NRF1: variants seen among roughly 807,000 people sequenced by gnomAD.
The protein encoded by NRF1 is alpha palindromic-binding protein.
Under a neutral mutation model 58.5 loss-of-function variants are expected in NRF1, and 5 were observed. That is an observed-to-expected ratio of 0.09 (90% CI 0.04 to 0.18). The LOEUF (loss-of-function observed/expected upper bound fraction) is 0.18, where lower values mean the gene tolerates loss of function less well. NRF1 is among the 10% of genes least tolerant of loss of function. The probability of loss-of-function intolerance (pLI) is 1.00; values close to 1 mark genes in which losing one functional copy is unlikely to be tolerated. For missense variants in NRF1, 288 were observed against 657.7 expected (o/e 0.44, Z 6.15); for synonymous variants, 224 against 246.7 (o/e 0.91, Z 0.86).
intron 10 of NRF1, among the ~76,000 whole-genome samples, chr7:129,747,885 C>A (rs79546610): frequency 0.016 from 2,412 of 152,286 alleles, 58 homozygotes; most frequent in African/African-American, 0.055. Flanking sequence ...GGACTACCAT[C>A]AAGTTTCTGA....
At chr7:129,667,790 A>G (rs1239330791) in intron 2 of NRF1, among the ~76,000 whole-genome samples, 1 of 148,368 alleles carries the variant, frequency 6.7e-6, no homozygotes, top group Non-Finnish European at 1.5e-5. Context: ...TTTATTAGAG[A>G]TAGGATCTTA....
intron 5 of NRF1, among the ~76,000 whole-genome samples, chr7:129,704,110 G>C (rs1011528711): frequency 6.6e-6 from 1 of 150,964 alleles, no homozygotes; most frequent in Non-Finnish European, 1.5e-5. Context: ...GGAGCTGCTT[G>C]TATTAATACG....
chr7:129,692,812 TC>T (rs1052322113), intron 5 of NRF1, among the ~76,000 whole-genome samples: 1 of 152,162 alleles, frequency 6.6e-6, no homozygotes, highest in Non-Finnish European at 1.5e-5. Flanking sequence ...CTTTTGCTGT[TC>T]CCTTTGCCTG....
At chr7:129,676,710 G>A (rs1010742414) in intron 3 of NRF1, among the ~76,000 whole-genome samples, 2 of 152,168 alleles carry the variant, frequency 1.3e-5, no homozygotes, top group African/African-American at 4.8e-5. Flanking sequence ...ACAGAGACAC[G>A]AAGTGAGCAC....
intron 8 of NRF1, among the ~76,000 whole-genome samples, chr7:129,714,244 A>C (rs1803139003): frequency 6.6e-6 from 1 of 152,204 alleles, no homozygotes; most frequent in African/African-American, 2.4e-5. Context: ...TAACTTTCTT[A>C]AATTATACTG....
intron 1 of NRF1, among the ~76,000 whole-genome samples, chr7:129,631,636 G>A (rs992981172): frequency 3.3e-5 from 5 of 152,086 alleles, no homozygotes; most frequent in African/African-American, 1.2e-4. Flanking sequence ...TTTTATCATA[G>A]CATATTATAA....
intron 1 of NRF1, among the ~76,000 whole-genome samples, chr7:129,630,533 T>C (rs148197634): frequency 4.0e-4 from 61 of 152,328 alleles, no homozygotes; most frequent in African/African-American, 1.3e-3. Flanking sequence ...AGGTGAATGT[T>C]AAAACAAATC....
Position 129,719,469 on chromosome 7 carries a change from T to C in NRF1, c.1223+2093T>C, listed in dbSNP as rs377628163. ...TTTTAAAAGAAGTATGGCCAGAGAT[T>C]GGTGGTTGATTAGGAATAGGAAACT... On this transcript the variant is annotated intron_variant, in intron 9 of 10. Coordinates refer to ENST00000393232, the MANE Select transcript of NRF1 (RefSeq NM_005011.5). 2.0e-5 allele frequency among the ~76,000 whole-genome samples: 3 copies of C among 147,530 alleles called. No homozygotes were observed. In the East Asian group the frequency reaches 5.9e-4, roughly 29 times the overall value.
At chr7:129,716,017 A>C (rs556847137) in intron 8 of NRF1, among the ~76,000 whole-genome samples, 2,794 of 152,326 alleles carry the variant, frequency 0.018, 42 homozygotes, top group Middle Eastern at 0.048. Flanking sequence ...AACAACAAAA[A>C]AAAAAAAGCC....
chr7:129,631,697 A>C (rs1801053005), intron 1 of NRF1, among the ~76,000 whole-genome samples: 1 of 152,248 alleles, frequency 6.6e-6, no homozygotes, highest in Non-Finnish European at 1.5e-5. Context: ...GGGAAATACC[A>C]GTCAGAAATT....
chr7:129,639,163 G>A (rs1453936820), intron 1 of NRF1, among the ~76,000 whole-genome samples: 1 of 152,064 alleles, frequency 6.6e-6, no homozygotes, highest in Non-Finnish European at 1.5e-5. Context: ...TGGCTTTACT[G>A]ATCCTCCCTT....
intron 9 of NRF1, among the ~76,000 whole-genome samples, chr7:129,722,318 G>C (rs1562983329): frequency 6.6e-6 from 1 of 151,042 alleles, no homozygotes; most frequent in Non-Finnish European, 1.5e-5. Flanking sequence ...TTGAACCTGG[G>C]AGGCGGAGGT....
At chr7:129,646,583 C>T (rs1801410156) in intron 1 of NRF1, among the ~76,000 whole-genome samples, 1 of 152,200 alleles carries the variant, frequency 6.6e-6, no homozygotes, top group Non-Finnish European at 1.5e-5. Flanking sequence ...GAATGCCATT[C>T]AGCTGGTACT....
chr7:129,686,346 G>T (rs1052763880), intron 4 of NRF1, among the ~76,000 whole-genome samples: 1 of 152,102 alleles, frequency 6.6e-6, no homozygotes, highest in Non-Finnish European at 1.5e-5. Context: ...TAAATAATTG[G>T]AAAGATTGAA....
At chr7:129,751,716 A>C (rs1200187612) in intron 10 of NRF1, among the ~76,000 whole-genome samples, 1 of 152,254 alleles carries the variant, frequency 6.6e-6, no homozygotes, top group Non-Finnish European at 1.5e-5. Context: ...TGGAGCCCAG[A>C]GGCAAGAGCA....
chr7:129,717,738 T>C (rs2896423), intron 9 of NRF1, among the ~76,000 whole-genome samples: 128,819 of 152,154 alleles, frequency 0.85, 55,236 homozygotes, highest in East Asian at 0.94. Flanking sequence ...ACAACCAGTG[T>C]AGCCTTTCTG....
intron 2 of NRF1, among the ~76,000 whole-genome samples, chr7:129,668,012 G>A (rs1204502082): frequency 6.6e-6 from 1 of 152,056 alleles, no homozygotes; most frequent in African/African-American, 2.4e-5. Context: ...CAGTCCTCCT[G>A]CCTTGTCCTT....
intron 4 of NRF1, among the ~76,000 whole-genome samples, chr7:129,683,196 C>G (rs771353025): frequency 9.2e-5 from 14 of 151,716 alleles, no homozygotes. Context: ...AGCCACCAGC[C>G]CTGGCCCCAG....
At chr7:129,706,530 A>G (rs1222509610) in intron 5 of NRF1, among the ~76,000 whole-genome samples, 4 of 152,230 alleles carry the variant, frequency 2.6e-5, no homozygotes, top group Admixed American at 2.6e-4. Flanking sequence ...GATAACTTTG[A>G]CATTTTTAGT....
Sources: gnomAD v4.1 joint callset for allele counts (sites outside exome capture counted in the v4.1 genomes callset) on GRCh38, gnomAD v4.1.1 for gene constraint, MANE v1.5 for transcripts, NCBI Gene and HGNC (gene_info 2026-07-23, HGNC 2026-07-21) for gene names.